Variants in ANKS1A observed in about 807,000 individuals in gnomAD.
ANKS1A encodes the protein ankyrin repeat and sterile alpha motif domain containing 1A.
Under a neutral mutation model 120.3 loss-of-function variants are expected in ANKS1A, and 55 were observed. The observed-to-expected ratio is 0.46, with a 90% CI of 0.37 to 0.57. The LOEUF (loss-of-function observed/expected upper bound fraction) is 0.57. ANKS1A is among the 20% of genes least tolerant of loss of function. The pLI, the probability that ANKS1A is intolerant of heterozygous loss-of-function variation, is 0.00. For synonymous variants in ANKS1A, 590 were observed against 604.7 expected (o/e 0.98, Z 0.36); for missense variants, 1,123 against 1,480.3 (o/e 0.76, Z 3.96).
At chr6:34,943,340 T>C (rs1186522464) in intron 1 of ANKS1A, among the ~76,000 whole-genome samples, 1 of 152,176 alleles carries the variant, frequency 6.6e-6, no homozygotes, top group Non-Finnish European at 1.5e-5. Context: ...TCACACAGTT[T>C]CCCCTATTAT....
chr6:34,986,443 G>T (rs1772206370), intron 8 of ANKS1A, among the ~76,000 whole-genome samples: 1 of 152,158 alleles, frequency 6.6e-6, no homozygotes, highest in South Asian at 2.1e-4. Flanking sequence ...TAGCTAAACT[G>T]ACCATTGCTC....
chr6:34,928,055 C>T (rs1397951365), intron 1 of ANKS1A, among the ~76,000 whole-genome samples: 1 of 152,174 alleles, frequency 6.6e-6, no homozygotes, highest in African/African-American at 2.4e-5. Context: ...TTAGTGGCTA[C>T]TATTCAACCT....
chr6:34,997,921 G>A (rs1056571727), intron 10 of ANKS1A, among the ~76,000 whole-genome samples: 2 of 152,196 alleles, frequency 1.3e-5, no homozygotes, highest in Non-Finnish European at 1.5e-5. Context: ...CTATGCTTTG[G>A]TTTCTTCCAA....
intron 14 of ANKS1A, 41 bp from the exon 15 acceptor site, chr6:35,079,475 A>G: frequency 6.2e-7 from 1 of 1,609,620 alleles, no homozygotes; most frequent in Non-Finnish European, 8.5e-7. Context: ...CTCTCCTGTG[A>G]GTGCTGAGAT....
intron 1 of ANKS1A, among the ~76,000 whole-genome samples, chr6:34,938,288 G>A (rs533968622): frequency 7.2e-5 from 11 of 152,254 alleles, no homozygotes; most frequent in East Asian, 1.9e-4. Context: ...ATCTTATTTA[G>A]GCTTTTTTGG....
chr6:35,031,947 A>G (rs1423537946), intron 11 of ANKS1A, among the ~76,000 whole-genome samples: 1 of 151,962 alleles, frequency 6.6e-6, no homozygotes, highest in African/African-American at 2.4e-5. Flanking sequence ...GGCTTTCTCC[A>G]TTTCTTTTTG....
chr6:35,093,573 CAT>C (rs1341154999), downstream of ANKS1A, among the ~76,000 whole-genome samples: 5 of 152,182 alleles, frequency 3.3e-5, no homozygotes, highest in Non-Finnish European at 7.4e-5. Context: ...GGAAAACTAA[CAT>C]GTGCACCACA....
Position 35,089,129 on chromosome 6 carries a change from G to C in ANKS1A, c.*520G>C. 2 of 1,013,048 alleles carry C rather than the reference G, an allele frequency of 2.0e-6. No individual in the cohort carries two copies. Among genetic ancestry groups the C allele is most frequent in the Non-Finnish European group, 2.4e-6 (2 of 844,962 alleles). 62.8% of individuals were successfully genotyped at this position (1,013,048 alleles called of 1,614,324 possible). On this transcript the variant is annotated 3_prime_UTR_variant, in exon 24 of 24. Transcript: ENST00000360359. ...AGGCTCAGGCAGAATTGAGTACGGT[G>C]CGTCTGCTTTTCAAACCCAACCATA...
rs7739397 is a variant in ANKS1A, at chr6:34,929,775, C to A, written c.198-37464C>A. On this transcript the variant is annotated intron_variant, in intron 1 of 23. Transcript: ENST00000360359. ...CTCTTCCTCCCCTTCTCCTTCCCCT[C>A]CCCCTCCCCCTTCCCCTTTTCCTTC... is the stretch of plus-strand genomic sequence containing the variant. 7.8e-3 allele frequency among the ~76,000 whole-genome samples: 1,092 copies of A among 140,238 alleles called. 17 individuals are homozygous for A. The highest frequency in any genetic ancestry group is 0.026 in the African/African-American group (989 of 38,510). 92.0% of individuals were successfully genotyped at this position (140,238 alleles called of 152,430 possible). A position where few individuals can be genotyped will look rare whatever the true frequency, so the allele number is the denominator to read the frequency against.
intron 11 of ANKS1A, among the ~76,000 whole-genome samples, chr6:35,041,931 C>T (rs182048327): frequency 2.6e-5 from 4 of 152,230 alleles, no homozygotes; most frequent in Admixed American, 2.0e-4. Context: ...AGACAGAAAC[C>T]TATATGATTT....
At chr6:34,955,714 A>G (rs921470427) in intron 1 of ANKS1A, among the ~76,000 whole-genome samples, 4 of 152,090 alleles carry the variant, frequency 2.6e-5, no homozygotes, top group Non-Finnish European at 5.9e-5. Flanking sequence ...TCATTTCCTG[A>G]TAAAAGAGTG....
At chr6:34,997,443 G>T (rs573431073) in intron 10 of ANKS1A, among the ~76,000 whole-genome samples, 2 of 152,186 alleles carry the variant, frequency 1.3e-5, no homozygotes, top group African/African-American at 4.8e-5. Context: ...TGATCCACCC[G>T]CCTCAGCCTC....
In ANKS1A at chr6:35,084,347, T is replaced by TCCTGGCC. The variant is rs1356451289; in HGVS notation, c.3132+97_3132+103dup. ...ATTGCAGGGCACAGATGCGGCGCTG[T>TCCTGGCC]CCTGGCCCCTGGCCAGTGCCTGGCA... On this transcript the variant is annotated intron_variant, in intron 21 of 23. Coordinates refer to ENST00000360359, the MANE Select transcript of ANKS1A (RefSeq NM_015245.3). This position sits in a 1 kb window ranked among gnomAD's most constrained non-coding sequence, Gnocchi z 4.8. 3.3e-6 allele frequency: 5 copies of TCCTGGCC among 1,524,002 alleles called. No individual in the cohort carries two copies. Among genetic ancestry groups the TCCTGGCC allele is most frequent in the Non-Finnish European group, 4.4e-6 (5 of 1,136,218 alleles). The allele number at this position is 1,524,002 out of a possible 1,614,324, so 94.4% of individuals were successfully genotyped here. A position where few individuals can be genotyped will look rare whatever the true frequency, so the allele number is the denominator to read the frequency against.
At position 35,029,349 on chromosome 6, in the gene ANKS1A, C is replaced by CTTTTTT. The variant is rs776256932; in HGVS notation, c.2010+11304_2010+11309dup. On this transcript the variant is annotated intron_variant, in intron 11 of 23. Transcript: ENST00000360359. ...ATCTATCAATCTTGAATGACTTCTG[C>CTTTTTT]TTTTTTTTTTTTTTTTTTTGAGACA... 4.7e-5 allele frequency among the ~76,000 whole-genome samples: 5 copies of CTTTTTT among 105,770 alleles called. 1 individual carries two copies. Among genetic ancestry groups the CTTTTTT allele is most frequent in the African/African-American group, 1.5e-4 (4 of 26,580 alleles). The allele number at this position is 105,770 out of a possible 152,430, so 69.4% of individuals were successfully genotyped here.
intron 10 of ANKS1A, among the ~76,000 whole-genome samples, chr6:35,013,864 C>T (rs1269970283): frequency 6.6e-6 from 1 of 152,162 alleles, no homozygotes; most frequent in Non-Finnish European, 1.5e-5. Context: ...CTGTGAGGAA[C>T]GGAGAAGTAG....
intron 11 of ANKS1A, among the ~76,000 whole-genome samples, chr6:35,021,375 C>A (rs1287552224): frequency 6.6e-6 from 1 of 152,088 alleles, no homozygotes; most frequent in African/African-American, 2.4e-5. Context: ...TCAGGCTGCT[C>A]CTGGAAAGAA....
chr6:35,070,840 G>A, intron 13 of ANKS1A: 2 of 575,396 alleles, frequency 3.5e-6, no homozygotes, highest in Non-Finnish European at 6.6e-6. Context: ...GTGTGTGTGT[G>A]TGTGTGCGCG....
At chr6:35,010,011 C>A in intron 10 of ANKS1A, 1 of 209,152 alleles carries the variant, frequency 4.8e-6, no homozygotes, top group Non-Finnish European at 9.8e-6. Flanking sequence ...GAGATCTTGT[C>A]TCTACGAAAA....
chr6:35,012,864 T>G (rs1327971884), intron 10 of ANKS1A, among the ~76,000 whole-genome samples: 1 of 152,134 alleles, frequency 6.6e-6, no homozygotes, highest in African/African-American at 2.4e-5. Flanking sequence ...TGTGTGCCAC[T>G]ATCTCCTTGT....
Sources: allele counts gnomAD v4.1 joint callset (sites outside exome capture counted in the v4.1 genomes callset), GRCh38; gene constraint gnomAD v4.1.1; non-coding constraint Gnocchi (gnomAD v3.1); transcripts MANE v1.5; gene names NCBI Gene and HGNC (gene_info 2026-07-23, HGNC 2026-07-21).